The following LAIR2 variants were observed in gnomAD, a reference collection of about 807,000 sequenced individuals.
The protein encoded by LAIR2 is leukocyte associated immunoglobulin like receptor 2.
A neutral mutation model predicts 14.8 loss-of-function variants in LAIR2; 14 were observed. The observed-to-expected ratio is 0.95, with a 90% confidence interval of 0.62 to 1.48. The LOEUF (loss-of-function observed/expected upper bound fraction) is 1.48. Ranked by LOEUF, LAIR2 falls within the 40% of genes most tolerant of loss-of-function variation. The pLI, the probability that LAIR2 is intolerant of heterozygous loss-of-function variation, is 0.00. For missense variants in LAIR2, 172 were observed against 180.9 expected (o/e 0.95, Z 0.28); for synonymous variants, 75 against 74.5 (o/e 1.01, Z -0.03).
At chr19:54,504,438 TATA>T (rs1326153773) in intron 2 of LAIR2, among the ~76,000 whole-genome samples, 1 of 152,192 alleles carries the variant, frequency 6.6e-6, no homozygotes, top group Non-Finnish European at 1.5e-5. Flanking sequence ...TTTTGAAATA[TATA>T]ATAAGTTATT....
intron 4 of LAIR2, 38 bp from the exon 5 acceptor site, chr19:54,510,488 G>T: frequency 6.4e-7 from 1 of 1,564,360 alleles, no homozygotes; most frequent in Non-Finnish European, 8.8e-7. Flanking sequence ...AAGGAGGGAT[G>T]CTCCTATTAA....
rs1434606873 is a variant in LAIR2, at chr19:54,508,321, C to T, written c.364+137C>T. On this transcript the variant is annotated intron_variant, in intron 3 of 4. Transcript: ENST00000301202. ...TCTTCCTGACCCCAAGCCCTCCCCT[C>T]CCCTTCTTCCTCTGCACACACCTCC... 4,113 of 613,200 alleles carry T rather than the reference C, an allele frequency of 6.7e-3. 121 individuals carry two copies. In the African/African-American group the frequency reaches 0.07, roughly 10 times the overall value. 38.0% of individuals were successfully genotyped at this position (613,200 alleles called of 1,614,324 possible). A position where few individuals can be genotyped will look rare whatever the true frequency, so the allele number is the denominator to read the frequency against.
Position 54,502,991 on chromosome 19 carries a change from T to C in LAIR2, c.34+39T>C, listed in dbSNP as rs371708144. ...GGAGCGGGAAGGACTGGAAAGGGGG[T>C]CGGGAGGTCTGGAAAGTTCCCTGCT... On this transcript the variant is annotated intron_variant, in intron 1 of 4. Coordinates refer to ENST00000301202, the MANE Select transcript of LAIR2 (RefSeq NM_002288.6). 299 of 1,588,606 alleles carry C rather than the reference T, an allele frequency of 1.9e-4. 1 individual carries two copies. The highest frequency in any genetic ancestry group is 2.2e-4 in the Non-Finnish European group (262 of 1,164,728).
Position 54,508,496 on chromosome 19 carries a change from AC to A in LAIR2, c.364+318del, listed in dbSNP as rs539258640. ...GTGGGTTCCCAGAGATTAGGGGGCAACCCCCCTACAAGGGGATGAGTGTCTT... is the reference window on the plus strand; with the variant it reads ...GTGGGTTCCCAGAGATTAGGGGGCAACCCCCTACAAGGGGATGAGTGTCTT... On this transcript the variant is annotated intron_variant, in intron 3 of 4. Coordinates refer to ENST00000301202, the MANE Select transcript of LAIR2 (RefSeq NM_002288.6). Among the ~76,000 whole-genome samples the A allele has an allele frequency of 3.7e-3, 560 of 151,732 alleles. 2 individuals are homozygous for A. The highest frequency in any genetic ancestry group is 6.7e-3 in the South Asian group (32 of 4,796).
intron 2 of LAIR2, among the ~76,000 whole-genome samples, chr19:54,505,000 C>T (rs540526692): frequency 9.8e-5 from 15 of 152,336 alleles, no homozygotes; most frequent in East Asian, 3.9e-4. Context: ...TTCATCCATG[C>T]TGTTGTGAAT....
intron 3 of LAIR2, among the ~76,000 whole-genome samples, chr19:54,508,509 G>A (rs556558562): frequency 8.5e-5 from 13 of 152,328 alleles, no homozygotes; most frequent in Non-Finnish European, 1.3e-4. Context: ...CCCCTACAAG[G>A]GGATGAGTGT....
intron 2 of LAIR2, among the ~76,000 whole-genome samples, chr19:54,505,463 C>G (rs1349284190): frequency 6.6e-6 from 1 of 152,104 alleles, no homozygotes; most frequent in African/African-American, 2.4e-5. Flanking sequence ...CGTGGCTCCC[C>G]GAGGCCGGCC....
chr19:54,510,278 T>G (rs1428525723), intron 4 of LAIR2, among the ~76,000 whole-genome samples: 2 of 149,532 alleles, frequency 1.3e-5, no homozygotes, highest in African/African-American at 5.0e-5. Flanking sequence ...GCAGCCAGAT[T>G]GCTGGGTTCA....
At chr19:54,503,237 G>A (rs1173907257) in intron 1 of LAIR2, among the ~76,000 whole-genome samples, 1 of 151,986 alleles carries the variant, frequency 6.6e-6, no homozygotes, top group Non-Finnish European at 1.5e-5. Flanking sequence ...GAGGCAGGTG[G>A]ATCACCTGAG....
At chr19:54,508,207 G>T in intron 3 of LAIR2, 23 bp downstream of exon 3, 1 of 1,596,416 alleles carries the variant, frequency 6.3e-7, no homozygotes. Flanking sequence ...CCTGGGCCCT[G>T]CCCCAGTCTC....
At chr19:54,507,500 C>T (rs1242237645) in intron 2 of LAIR2, among the ~76,000 whole-genome samples, 5 of 152,124 alleles carry the variant, frequency 3.3e-5, no homozygotes, top group African/African-American at 9.6e-5. Flanking sequence ...CCCTCGCTTC[C>T]CTGTCCCTTG....
At position 54,503,454 on chromosome 19, in the gene LAIR2, G is replaced by A. The variant is rs528819787; in HGVS notation, c.35-246G>A. On this transcript the variant is annotated intron_variant, in intron 1 of 4. Transcript: ENST00000301202. Reference sequence around the variant, plus strand: ...GCGTGGGCGACAAGAACAAAACTCCGTCTCCAACAACACCAAAAAGAAGGG... The same window carrying A: ...GCGTGGGCGACAAGAACAAAACTCCATCTCCAACAACACCAAAAAGAAGGG... Among the ~76,000 whole-genome samples the A allele has an allele frequency of 5.9e-3, 531 of 89,484 alleles. 3 individuals are homozygous for A. Among genetic ancestry groups the A allele is most frequent in the African/African-American group, 0.019 (502 of 26,380 alleles). The allele number at this position is 89,484 out of a possible 152,430, so 58.7% of individuals were successfully genotyped here.
rs868517489 is a variant in LAIR2, at chr19:54,503,637, T to C, written c.35-63T>C. 13 of 1,611,896 alleles carry C rather than the reference T, an allele frequency of 8.1e-6. No individual in the cohort carries two copies. The African/African-American group carries it at 1.2e-4, about 15-fold the overall frequency. On this transcript the variant is annotated intron_variant, in intron 1 of 4. Coordinates refer to ENST00000301202, the MANE Select transcript of LAIR2 (RefSeq NM_002288.6). Reference sequence around the variant, plus strand: ...CCCCCAGCTCCGTCAAGCCCCCTTTTGACAGCAGCCCTGTAAGGAGACTGG... The same window carrying C: ...CCCCCAGCTCCGTCAAGCCCCCTTTCGACAGCAGCCCTGTAAGGAGACTGG...
intron 2 of LAIR2, 23 bp downstream of exon 2, chr19:54,503,758 C>T: frequency 3.1e-6 from 5 of 1,614,104 alleles, no homozygotes; most frequent in Non-Finnish European, 3.4e-6. Flanking sequence ...TTCGTCCCGT[C>T]TTCCCAGTCC....
chr19:54,502,850 C>G lies in LAIR2; in HGVS notation c.-69C>G, dbSNP rs114344036. 1 of 1,597,130 alleles carries G rather than the reference C, an allele frequency of 6.3e-7. No homozygotes were observed. The highest frequency in any genetic ancestry group is 8.6e-7 in the Non-Finnish European group (1 of 1,164,668). ...TGAGGCAGTTGCTGTGGAAGCCCCA[C>G]GGGCAGGAGGCCCCCGGCCAGCACA... On this transcript the variant is annotated 5_prime_UTR_variant, in exon 1 of 5. Coordinates refer to ENST00000301202, the MANE Select transcript of LAIR2 (RefSeq NM_002288.6).
At chr19:54,503,850 T>A in intron 2 of LAIR2, 115 bp downstream of exon 2, 1 of 1,299,852 alleles carries the variant, frequency 7.7e-7, no homozygotes, top group South Asian at 1.2e-5. Context: ...AAATATACCC[T>A]AGATTGCAAA....
At position 54,510,638 on chromosome 19, in the gene LAIR2, T is replaced by G; in HGVS notation, c.*69T>G. 6.4e-7 allele frequency: 1 copy of G among 1,552,114 alleles called. No individual in the cohort carries two copies. Among genetic ancestry groups the G allele is most frequent in the South Asian group, 1.1e-5 (1 of 89,752 alleles). ...AAATAATTAGAATGAGCAATAGAAA[T>G]GCACAGATGCCTATACATACATATA... On this transcript the variant is annotated 3_prime_UTR_variant, in exon 5 of 5. Transcript: ENST00000301202.
At position 54,508,019 on chromosome 19, in the gene LAIR2, A is replaced by G; in HGVS notation, c.199A>G (p.Lys67Glu). The change falls in exon 3 of 5, where the codon AAG (lysine) becomes GAG (glutamate). Residue 67 changes from lysine to glutamate, a missense_variant. By Grantham distance (56) the Lys-to-Glu change is moderately conservative. Coordinates refer to ENST00000301202, the MANE Select transcript of LAIR2 (RefSeq NM_002288.6). Reference protein sequence around the residue: ...TFRLEREDRAKYKDSYNVFRL... With the variant: ...TFRLEREDRAEYKDSYNVFRL... Reference sequence around the variant, plus strand: ...CCGCCTGGAGAGGGAGGATAGAGCCAAGTACAAAGATAGTTATAATGTGTT... The same window carrying G: ...CCGCCTGGAGAGGGAGGATAGAGCCGAGTACAAAGATAGTTATAATGTGTT... The G allele has an allele frequency of 6.2e-7, 1 of 1,614,180 alleles. No homozygotes were observed. The highest frequency in any genetic ancestry group is 8.5e-7 in the Non-Finnish European group (1 of 1,180,016).
chr19:54,506,105 G>A (rs2085359183), intron 2 of LAIR2, among the ~76,000 whole-genome samples: 1 of 152,120 alleles, frequency 6.6e-6, no homozygotes, highest in Non-Finnish European at 1.5e-5. Context: ...GATTACAGGT[G>A]TGAGACACCG....
Sources: allele counts gnomAD v4.1 joint callset (sites outside exome capture counted in the v4.1 genomes callset), GRCh38; gene constraint gnomAD v4.1.1; transcripts MANE v1.5; gene names NCBI Gene and HGNC (gene_info 2026-07-23, HGNC 2026-07-21).